Variants in SH3GL2 observed in about 807,000 individuals in gnomAD.
SH3GL2 encodes SH3 domain containing GRB2 like 2, endophilin A1.
SH3GL2 carries 24 observed loss-of-function variants against 46.0 expected under a neutral mutation model. The observed-to-expected ratio is 0.52, with a 90% CI of 0.38 to 0.73. SH3GL2 has a LOEUF of 0.73. Among genes scored for constraint, SH3GL2 ranks in the 30% least tolerant of loss-of-function variants. The pLI is 0.00. For synonymous variants in SH3GL2, 196 were observed against 147.1 expected (o/e 1.33, Z -2.40); for missense variants, 413 against 424.2 (o/e 0.97, Z 0.23).
intron 2 of SH3GL2, among the ~76,000 whole-genome samples, chr9:17,753,187 A>C (rs180821617): frequency 6.6e-6 from 1 of 152,160 alleles, no homozygotes; most frequent in Admixed American, 6.5e-5. Context: ...ATGTGTCTTT[A>C]TAATAGAACA....
At chr9:17,698,538 A>C (rs572110998) in intron 1 of SH3GL2, among the ~76,000 whole-genome samples, 1 of 152,342 alleles carries the variant, frequency 6.6e-6, no homozygotes, top group South Asian at 2.1e-4. Context: ...GGTTTTAGAT[A>C]AACTAAGAAA....
intron 1 of SH3GL2, among the ~76,000 whole-genome samples, chr9:17,687,786 A>G (rs1007049350): frequency 1.3e-5 from 2 of 152,056 alleles, no homozygotes; most frequent in South Asian, 2.1e-4. Flanking sequence ...AGAAACAATG[A>G]TGGATGTGAA....
intron 1 of SH3GL2, among the ~76,000 whole-genome samples, chr9:17,584,885 G>A (rs901241439): frequency 1.3e-5 from 2 of 152,132 alleles, no homozygotes; most frequent in Non-Finnish European, 2.9e-5. Flanking sequence ...ATTTTTGCAA[G>A]CTTTTTTCCC....
At chr9:17,721,056 T>C (rs1301244257) in intron 1 of SH3GL2, among the ~76,000 whole-genome samples, 1 of 152,062 alleles carries the variant, frequency 6.6e-6, no homozygotes, top group Non-Finnish European at 1.5e-5. Context: ...TGCTCTGCTT[T>C]CTGAACTCTC....
chr9:17,696,397 T>C (rs1588249342), intron 1 of SH3GL2, among the ~76,000 whole-genome samples: 1 of 152,176 alleles, frequency 6.6e-6, no homozygotes, highest in Admixed American at 6.5e-5. Context: ...AAATAATCAC[T>C]TTACTACTAT....
intron 5 of SH3GL2, among the ~76,000 whole-genome samples, chr9:17,788,332 A>G (rs758763907): frequency 2.0e-5 from 3 of 152,154 alleles, no homozygotes; most frequent in Admixed American, 6.5e-5. Flanking sequence ...TAAAAAAGAA[A>G]GTTCCTTCCA....
intron 1 of SH3GL2, among the ~76,000 whole-genome samples, chr9:17,738,223 A>G (rs903982309): frequency 2.6e-5 from 4 of 151,930 alleles, no homozygotes; most frequent in Non-Finnish European, 5.9e-5. Flanking sequence ...GGTGGATTTA[A>G]TCTTAAGATG....
At chr9:17,619,892 T>A (rs1443321834) in intron 1 of SH3GL2, among the ~76,000 whole-genome samples, 1 of 152,218 alleles carries the variant, frequency 6.6e-6, no homozygotes, top group Non-Finnish European at 1.5e-5. Flanking sequence ...AATGTACCAG[T>A]TTATTCTCTC....
In SH3GL2 at chr9:17,787,420, G is replaced by A. The variant is rs746844223; in HGVS notation, c.372G>A (p.Leu124=). The change falls in exon 5 of 9, where the codon CTG becomes CTA. Residue 124 remains leucine (L), a synonymous_variant. Coordinates refer to ENST00000380607, the MANE Select transcript of SH3GL2 (RefSeq NM_003026.5). ...AGGTCGGGGAGGCCATGCGGGAACTGTCGGAGGTCAAAGACTCTTTGGACA... is the reference window on the plus strand; with the variant it reads ...AGGTCGGGGAGGCCATGCGGGAACTATCGGAGGTCAAAGACTCTTTGGACA... ...LGEVGEAMRE[L]SEVKDSLDIE... The A allele has an allele frequency of 1.2e-6, 2 of 1,612,730 alleles. No homozygotes were observed. The highest frequency in any genetic ancestry group is 2.2e-5 in the East Asian group (1 of 44,850).
intron 3 of SH3GL2, among the ~76,000 whole-genome samples, chr9:17,764,070 C>T (rs1172007068): frequency 6.6e-6 from 1 of 152,024 alleles, no homozygotes; most frequent in Non-Finnish European, 1.5e-5. Context: ...AATTGGCTGC[C>T]AATATAATGG....
chr9:17,703,081 G>A (rs1467940890), intron 1 of SH3GL2, among the ~76,000 whole-genome samples: 2 of 152,010 alleles, frequency 1.3e-5, no homozygotes, highest in African/African-American at 4.8e-5. Context: ...ATCAGACATT[G>A]TCAGGACCCT....
At chr9:17,727,149 C>G (rs1354367396) in intron 1 of SH3GL2, among the ~76,000 whole-genome samples, 1 of 152,110 alleles carries the variant, frequency 6.6e-6, no homozygotes, top group Non-Finnish European at 1.5e-5. Context: ...TAGTCTGCCT[C>G]TACAGAGAGC....
intron 4 of SH3GL2, 34 bp downstream of exon 4, chr9:17,786,558 A>G: frequency 6.2e-7 from 1 of 1,603,890 alleles, no homozygotes; most frequent in South Asian, 1.1e-5. Flanking sequence ...TAATTCTTTC[A>G]TTTGTCCATG....
chr9:17,579,441 G>C (rs1818232479), intron 1 of SH3GL2, among the ~76,000 whole-genome samples, 154 bp downstream of exon 1: 1 of 151,782 alleles, frequency 6.6e-6, no homozygotes, highest in East Asian at 1.9e-4. Context: ...GCGGCGGCTC[G>C]GGGCATCCCC....
At chr9:17,792,531 A>T (rs909655200) in intron 7 of SH3GL2, among the ~76,000 whole-genome samples, 3 of 152,208 alleles carry the variant, frequency 2.0e-5, no homozygotes, top group Non-Finnish European at 2.9e-5. Context: ...GACAATTATT[A>T]GCCATACCTT....
At chr9:17,776,535 G>T (rs535304027) in intron 3 of SH3GL2, among the ~76,000 whole-genome samples, 4 of 152,194 alleles carry the variant, frequency 2.6e-5, no homozygotes, top group Admixed American at 1.3e-4. Flanking sequence ...ACACAAAAAT[G>T]CTATAAAGGA....
chr9:17,671,932 C>G (rs1305317222), intron 1 of SH3GL2, among the ~76,000 whole-genome samples: 2 of 152,142 alleles, frequency 1.3e-5, no homozygotes, highest in African/African-American at 4.8e-5. Flanking sequence ...GTTACCTCAA[C>G]AAAGATTGTA....
At chr9:17,778,589 G>A (rs1188768154) in intron 3 of SH3GL2, among the ~76,000 whole-genome samples, 1 of 152,112 alleles carries the variant, frequency 6.6e-6, no homozygotes, top group African/African-American at 2.4e-5. Flanking sequence ...TTGGGGAGAA[G>A]AGTGATGTGA....
Position 17,764,749 on chromosome 9 carries a change from C to T in SH3GL2, c.187+3240C>T. ...AGTAGGATTTGATGCTTCGAGGGTA[C>T]TTTGGGAGTACATCTGTATTAGATT... On this transcript the variant is annotated intron_variant, in intron 3 of 8. Transcript: ENST00000380607. 3.9e-5 allele frequency among the ~76,000 whole-genome samples: 2 copies of T among 51,846 alleles called. 1 individual carries two copies. The highest frequency in any genetic ancestry group is 8.4e-5 in the Non-Finnish European group (2 of 23,918). The allele number at this position is 51,846 out of a possible 152,430, so 34.0% of individuals were successfully genotyped here. A position where few individuals can be genotyped will look rare whatever the true frequency, so the allele number is the denominator to read the frequency against.
Sources: allele counts gnomAD v4.1 joint callset (sites outside exome capture counted in the v4.1 genomes callset), GRCh38; gene constraint gnomAD v4.1.1; transcripts MANE v1.5; gene names NCBI Gene and HGNC (gene_info 2026-07-23, HGNC 2026-07-21).